The following GREM2 variants were observed in gnomAD, a reference collection of about 807,000 sequenced individuals.
GREM2 encodes the protein gremlin 2, DAN family BMP antagonist, also known as gremlin-2.
In GREM2, 11 loss-of-function variants were observed where a neutral mutation model predicts 14.2. That is an observed-to-expected ratio of 0.78 (90% CI 0.49 to 1.28). GREM2 has a LOEUF of 1.28. Ranked by LOEUF, GREM2 falls within the 50% of genes most tolerant of loss-of-function variation. The pLI is 0.00. For missense variants in GREM2, 210 were observed against 218.5 expected (o/e 0.96, Z 0.24); for synonymous variants, 98 against 97.6 (o/e 1.00, Z -0.02).
intron 1 of GREM2, among the ~76,000 whole-genome samples, chr1:240,532,529 A>G (rs1678383972): frequency 6.6e-6 from 1 of 152,208 alleles, no homozygotes; most frequent in African/African-American, 2.4e-5. Flanking sequence ...ATCAATATAA[A>G]AAGTACAATT....
intron 1 of GREM2, among the ~76,000 whole-genome samples, chr1:240,532,662 T>TAGAC (rs879733195): frequency 0.014 from 1,923 of 138,428 alleles, 33 homozygotes; most frequent in Non-Finnish European, 0.017. Context: ...GATAGATAGA[T>TAGAC]AGATAGATAG....
At chr1:240,525,770 C>T (rs1355860156) in intron 1 of GREM2, among the ~76,000 whole-genome samples, 2 of 152,268 alleles carry the variant, frequency 1.3e-5, no homozygotes, top group South Asian at 2.1e-4. Flanking sequence ...TGAGCCACCG[C>T]GCCCAGTTCT....
Position 240,562,825 on chromosome 1 carries a change from CGTGA to C in GREM2, c.-2+49055_-2+49058del, listed in dbSNP as rs552107778. 3.0e-3 allele frequency among the ~76,000 whole-genome samples: 425 copies of C among 143,420 alleles called. 3 individuals carry two copies. Among genetic ancestry groups the C allele is most frequent in the Non-Finnish European group, 5.1e-3 (338 of 66,128 alleles). The allele number at this position is 143,420 out of a possible 152,430, so 94.1% of individuals were successfully genotyped here. ...AGTGTGTATGTGTGTATTGTGTACA[CGTGA>C]GTGTGTGTATATGAGTGTGTATGTG... On this transcript the variant is annotated intron_variant, in intron 1 of 1. Coordinates refer to ENST00000318160, the MANE Select transcript of GREM2 (RefSeq NM_022469.4).
intron 1 of GREM2, among the ~76,000 whole-genome samples, chr1:240,571,758 ATGGTAAT>A (rs1483995992): frequency 2.7e-4 from 41 of 152,300 alleles, no homozygotes; most frequent in African/African-American, 9.4e-4. Context: ...TCTGGCATGT[ATGGTAAT>A]TCTTGCCTTA....
chr1:240,533,168 G>T (rs916380369), intron 1 of GREM2, among the ~76,000 whole-genome samples: 1 of 152,190 alleles, frequency 6.6e-6, no homozygotes, highest in East Asian at 1.9e-4. Context: ...AGGGGGATCT[G>T]GGAGTAGAGA....
intron 1 of GREM2, among the ~76,000 whole-genome samples, chr1:240,539,995 C>A (rs548044963): frequency 6.6e-6 from 1 of 152,104 alleles, no homozygotes; most frequent in African/African-American, 2.4e-5. Context: ...ATGAGGGCTG[C>A]GGTAACTCAG....
chr1:240,562,708 C>CAT (rs1553276880), intron 1 of GREM2, among the ~76,000 whole-genome samples: 1 of 150,404 alleles, frequency 6.6e-6, no homozygotes, highest in Admixed American at 6.7e-5. Context: ...ACAGGATTGC[C>CAT]GTGTGTGTGT....
At chr1:240,494,845 G>C (rs1234297235) in intron 1 of GREM2, among the ~76,000 whole-genome samples, 1 of 152,138 alleles carries the variant, frequency 6.6e-6, no homozygotes, top group Non-Finnish European at 1.5e-5. Context: ...AGCTTGCAAT[G>C]AGCCGAGATG....
At chr1:240,514,963 C>CAA (rs1572375330) in intron 1 of GREM2, among the ~76,000 whole-genome samples, 2 of 85,184 alleles carry the variant, frequency 2.3e-5, no homozygotes, top group East Asian at 7.5e-4. Flanking sequence ...AACAAACAAA[C>CAA]ACAAAAAAAA....
chr1:240,580,316 A>T (rs1572408634), intron 1 of GREM2, among the ~76,000 whole-genome samples: 1 of 152,352 alleles, frequency 6.6e-6, no homozygotes, highest in East Asian at 1.9e-4. Flanking sequence ...TGTAACATGA[A>T]TAACTGTTAG....
intron 1 of GREM2, among the ~76,000 whole-genome samples, chr1:240,571,916 G>A (rs557399763): frequency 1.1e-4 from 17 of 152,116 alleles, no homozygotes; most frequent in Non-Finnish European, 1.3e-4. Flanking sequence ...GAGCTGGGCT[G>A]TCCATCAATT....
At chr1:240,495,734 A>AAATATTT (rs562666495) in intron 1 of GREM2, among the ~76,000 whole-genome samples, 127 of 152,308 alleles carry the variant, frequency 8.3e-4, no homozygotes, top group Admixed American at 7.1e-3. Flanking sequence ...TCTTTGTTAA[A>AAATATTT]AATATTTACG....
At chr1:240,513,575 CA>C (rs5782148) in intron 1 of GREM2, among the ~76,000 whole-genome samples, 18,412 of 110,826 alleles carry the variant, frequency 0.17, 1,092 homozygotes, top group South Asian at 0.2. Flanking sequence ...ACTCCATCTA[CA>C]AAAAAAAAAA....
intron 1 of GREM2, among the ~76,000 whole-genome samples, chr1:240,547,550 TAGATAGAC>T (rs1327723532): frequency 2.2e-4 from 32 of 144,366 alleles, no homozygotes; most frequent in East Asian, 4.0e-4. Context: ...GATAGATAGA[TAGATAGAC>T]AGATAGATAT....
intron 1 of GREM2, among the ~76,000 whole-genome samples, chr1:240,509,360 AT>A (rs564246660): frequency 0.073 from 8,128 of 111,850 alleles, 432 homozygotes; most frequent in East Asian, 0.47. Context: ...AGCTCATTTG[AT>A]TTTTTTTTTT....
intron 1 of GREM2, among the ~76,000 whole-genome samples, chr1:240,558,987 G>T (rs1326241784): frequency 6.6e-6 from 1 of 151,874 alleles, no homozygotes; most frequent in Non-Finnish European, 1.5e-5. Context: ...TTGTTATTTT[G>T]GTTGAAGTAT....
chr1:240,577,847 A>T (rs1679401387), intron 1 of GREM2, among the ~76,000 whole-genome samples: 1 of 152,230 alleles, frequency 6.6e-6, no homozygotes, highest in Non-Finnish European at 1.5e-5. Flanking sequence ...TCAGGCTCAG[A>T]CACATCTATG....
At chr1:240,498,411 C>T (rs912375429) in intron 1 of GREM2, among the ~76,000 whole-genome samples, 8 of 152,172 alleles carry the variant, frequency 5.3e-5, no homozygotes, top group African/African-American at 1.9e-4. Context: ...TCTGGCATCT[C>T]ACTGTCAGAC....
rs575231582 is a variant in GREM2 at position 240,558,650 on chromosome 1, G to A, written c.-2+53234C>T. Reference sequence around the variant, plus strand: ...AATGTGGGAAAAGCCTTCCCTGGACGCCCTGTGATTGGTTAGACCAGCAGT... The same window carrying A: ...AATGTGGGAAAAGCCTTCCCTGGACACCCTGTGATTGGTTAGACCAGCAGT... On this transcript the variant is annotated intron_variant, in intron 1 of 1. Coordinates refer to ENST00000318160, the MANE Select transcript of GREM2 (RefSeq NM_022469.4). 1.6e-3 allele frequency among the ~76,000 whole-genome samples: 249 copies of A among 152,124 alleles called. 1 individual carries two copies. The highest frequency in any genetic ancestry group is 2.8e-3 in the Non-Finnish European group (190 of 68,002).
Sources: gnomAD v4.1 joint callset for allele counts (sites outside exome capture counted in the v4.1 genomes callset) on GRCh38, gnomAD v4.1.1 for gene constraint, MANE v1.5 for transcripts, NCBI Gene and HGNC (gene_info 2026-07-23, HGNC 2026-07-21) for gene names.